KMT2C: variants seen among roughly 807,000 people sequenced by gnomAD.
The protein encoded by KMT2C is lysine methyltransferase 2C.
In KMT2C, 88 loss-of-function variants were observed where a neutral mutation model predicts 507.9. That is an observed-to-expected ratio of 0.17 (90% CI 0.15 to 0.21). The LOEUF is 0.21. Among genes scored for constraint, KMT2C ranks in the 10% least tolerant of loss-of-function variants. The pLI is 1.00. For synonymous variants in KMT2C, 2,049 were observed against 2,080.8 expected (o/e 0.98, Z 0.42); for missense variants, 4,954 against 5,957.8 (o/e 0.83, Z 5.55).
intron 42 of KMT2C, among the ~76,000 whole-genome samples, chr7:152,166,046 C>T (rs776835629): frequency 6.6e-6 from 1 of 151,976 alleles, no homozygotes; most frequent in Non-Finnish European, 1.5e-5. Flanking sequence ...GGGGATAATA[C>T]TAACTCCTTC....
chr7:152,280,973 T>C (rs1036554260), intron 6 of KMT2C, among the ~76,000 whole-genome samples: 8 of 152,150 alleles, frequency 5.3e-5, no homozygotes, highest in African/African-American at 1.4e-4. Context: ...CCTAAAAAAA[T>C]AGGAGAGGCA....
chr7:152,403,715 T>TACACACACACAC (rs36191060), intron 1 of KMT2C, among the ~76,000 whole-genome samples: 1 of 145,834 alleles, frequency 6.9e-6, no homozygotes, highest in Non-Finnish European at 1.5e-5. Flanking sequence ...CTGGGACACA[T>TACACACACACAC]ACACACACAC....
intron 37 of KMT2C, among the ~76,000 whole-genome samples, 166 bp downstream of exon 37, chr7:152,179,668 G>A (rs879448465): frequency 2.8e-5 from 4 of 143,588 alleles, no homozygotes; most frequent in African/African-American, 7.5e-5. Flanking sequence ...TTGGGGGGGG[G>A]GGGGGGTGGT....
At chr7:152,341,421 C>T (rs1227231621) in intron 2 of KMT2C, among the ~76,000 whole-genome samples, 1 of 152,192 alleles carries the variant, frequency 6.6e-6, no homozygotes, top group Non-Finnish European at 1.5e-5. Context: ...ATCTCTTCAA[C>T]TAAACCATCG....
chr7:152,152,922 G>A lies in KMT2C; in HGVS notation c.12309C>T (p.Asp4103=), dbSNP rs1325374607. ...NISSVVAAFS[D]LLHVRIPNSY... Reference sequence around the variant, plus strand: ...TGTTAGGGATTCGGACGTGAAGAAGGTCGGAAAATGCAGCCACAACACTGC... The same window carrying A: ...TGTTAGGGATTCGGACGTGAAGAAGATCGGAAAATGCAGCCACAACACTGC... Residue 4103 remains aspartate, a synonymous_variant, in exon 49 of 59, where the codon GAC becomes GAT. Transcript: ENST00000262189. The A allele has an allele frequency of 9.3e-6, 15 of 1,614,066 alleles. No individual in the cohort carries two copies. The highest frequency in any genetic ancestry group is 1.3e-5 in the Non-Finnish European group (15 of 1,180,048).
At chr7:152,155,795 T>A (rs2092004980) in intron 46 of KMT2C, 115 bp downstream of exon 46, 6 of 966,698 alleles carry the variant, frequency 6.2e-6, no homozygotes, top group Non-Finnish European at 9.0e-6. Context: ...CACCAAATTG[T>A]ACTCTTCAAA....
intron 23 of KMT2C, among the ~76,000 whole-genome samples, chr7:152,215,869 T>A (rs1002534548): frequency 6.6e-5 from 10 of 152,040 alleles, no homozygotes; most frequent in African/African-American, 2.4e-4. Flanking sequence ...GTTTACCTTT[T>A]AATTATTTTC....
Position 152,194,281 on chromosome 7 carries a change from AAAAAG to A in KMT2C, c.4508-25_4508-21del, listed in dbSNP as rs770826067. ...TTGCTCCTAGAATAAATTAAAAAAA[AAAAAG>A]AAACATTAACAGCTACTAATTCAAT... On this transcript the variant is annotated intron_variant, in intron 29 of 58. Transcript: ENST00000262189. 1 of 1,430,256 alleles carries A rather than the reference AAAAAG, an allele frequency of 7.0e-7. No homozygotes were observed. Among genetic ancestry groups the A allele is most frequent in the Admixed American group, 2.2e-5 (1 of 45,446 alleles). 88.6% of individuals were successfully genotyped at this position (1,430,256 alleles called of 1,614,324 possible). A position where few individuals can be genotyped will look rare whatever the true frequency, so the allele number is the denominator to read the frequency against.
intron 1 of KMT2C, among the ~76,000 whole-genome samples, chr7:152,411,878 A>C (rs1292012532): frequency 6.6e-6 from 1 of 152,304 alleles, no homozygotes; most frequent in Admixed American, 6.5e-5. Context: ...TAAATCTCTA[A>C]ATCCTTTCCA....
At chr7:152,427,546 G>T (rs1316029024) in intron 1 of KMT2C, among the ~76,000 whole-genome samples, 1 of 152,188 alleles carries the variant, frequency 6.6e-6, no homozygotes, top group African/African-American at 2.4e-5. Context: ...GTAGTCCATT[G>T]ATGCATATTT....
chr7:152,318,522 G>A (rs2096742431), intron 3 of KMT2C, among the ~76,000 whole-genome samples: 1 of 150,010 alleles, frequency 6.7e-6, no homozygotes, highest in South Asian at 2.1e-4. Context: ...AGCTACTCGG[G>A]AGGCTGAGGC....
At chr7:152,202,007 G>A (rs945039181) in intron 26 of KMT2C, among the ~76,000 whole-genome samples, 3 of 152,306 alleles carry the variant, frequency 2.0e-5, no homozygotes, top group African/African-American at 7.2e-5. Flanking sequence ...TGAGGAAGTT[G>A]TATGCTAGTT....
At chr7:152,257,703 C>G (rs2095683884) in intron 9 of KMT2C, among the ~76,000 whole-genome samples, 1 of 152,058 alleles carries the variant, frequency 6.6e-6, no homozygotes, top group Non-Finnish European at 1.5e-5. Context: ...TTCATTATTT[C>G]TAAGTTATGC....
At chr7:152,271,695 A>AAAC (rs1262206531) in intron 7 of KMT2C, among the ~76,000 whole-genome samples, 7 of 147,848 alleles carry the variant, frequency 4.7e-5, no homozygotes, top group African/African-American at 1.5e-4. Context: ...AAAAAAAAAA[A>AAAC]CCCCAAAGAA....
chr7:152,145,001 C>T, intron 54 of KMT2C, 120 bp from the exon 55 acceptor site: 1 of 1,375,970 alleles, frequency 7.3e-7, no homozygotes, highest in Non-Finnish European at 9.9e-7. Context: ...TGGAAAGCTG[C>T]CTAGCAGAGA....
At chr7:152,208,847 T>C (rs556649035) in intron 23 of KMT2C, among the ~76,000 whole-genome samples, 6 of 152,308 alleles carry the variant, frequency 3.9e-5, no homozygotes, top group African/African-American at 1.4e-4. Context: ...ATAATGGCTA[T>C]CGGCTTATGA....
chr7:152,204,050 C>A (rs1350394583), intron 25 of KMT2C, among the ~76,000 whole-genome samples: 1 of 150,908 alleles, frequency 6.6e-6, no homozygotes, highest in Non-Finnish European at 1.5e-5. Flanking sequence ...AGGTGACTTG[C>A]ATAAAGCTCA....
At chr7:152,249,762 T>G in intron 13 of KMT2C, 114 bp downstream of exon 13, 2 of 232,142 alleles carry the variant, frequency 8.6e-6, no homozygotes, top group Non-Finnish European at 1.7e-5. Flanking sequence ...ATCTCTTAAC[T>G]AAAAGATTTA....
At chr7:152,412,774 A>T (rs983052353) in intron 1 of KMT2C, among the ~76,000 whole-genome samples, 1 of 152,156 alleles carries the variant, frequency 6.6e-6, no homozygotes, top group Non-Finnish European at 1.5e-5. Flanking sequence ...GGTGGGGGGG[A>T]TGGTGCTGGT....
Sources: allele counts gnomAD v4.1 joint callset (sites outside exome capture counted in the v4.1 genomes callset), GRCh38; gene constraint gnomAD v4.1.1; transcripts MANE v1.5; gene names NCBI Gene and HGNC (gene_info 2026-07-23, HGNC 2026-07-21).